GMDS: variants seen among roughly 807,000 people sequenced by gnomAD.
GMDS encodes the protein GDP-mannose 4,6-dehydratase.
In GMDS, 20 loss-of-function variants were observed where a neutral mutation model predicts 49.9. That is an observed-to-expected ratio of 0.40 (90% CI 0.28 to 0.58). The LOEUF (loss-of-function observed/expected upper bound fraction) is 0.58. GMDS is among the 20% of genes least tolerant of loss of function. The pLI, the probability that GMDS is intolerant of heterozygous loss-of-function variation, is 0.42. For missense variants in GMDS, 362 were observed against 481.4 expected (o/e 0.75, Z 2.32); for synonymous variants, 177 against 178.6 (o/e 0.99, Z 0.07).
chr6:1,625,392 C>T (rs903632912), intron 9 of GMDS: 4 of 143,260 alleles, frequency 2.8e-5, no homozygotes, highest in African/African-American at 1.0e-4. Context: ...TGTACTTCCA[C>T]GAGCGGAGCT....
intron 4 of GMDS, among the ~76,000 whole-genome samples, chr6:2,036,757 TA>T (rs1769330875): frequency 6.6e-6 from 1 of 152,114 alleles, no homozygotes; most frequent in Non-Finnish European, 1.5e-5. Flanking sequence ...AAGTAAACCA[TA>T]AACAAGATAA....
At chr6:2,065,213 C>A (rs1474477538) in intron 4 of GMDS, among the ~76,000 whole-genome samples, 6 of 152,136 alleles carry the variant, frequency 3.9e-5, no homozygotes, top group Admixed American at 2.0e-4. Context: ...GCTGAGGGTC[C>A]TGTCTGTTAG....
At chr6:2,241,605 C>T (rs2127602350) in intron 1 of GMDS, among the ~76,000 whole-genome samples, 1 of 152,242 alleles carries the variant, frequency 6.6e-6, no homozygotes, top group South Asian at 2.1e-4. Context: ...TGACTCCTCA[C>T]TCTATTAGCT....
intron 7 of GMDS, among the ~76,000 whole-genome samples, chr6:1,881,022 T>C (rs904407636): frequency 3.9e-5 from 6 of 152,198 alleles, no homozygotes; most frequent in African/African-American, 1.4e-4. Context: ...TTAAAAATAA[T>C]AGACTGCACC....
chr6:2,160,964 A>G (rs1486884342), intron 1 of GMDS, among the ~76,000 whole-genome samples: 1 of 152,206 alleles, frequency 6.6e-6, no homozygotes, highest in African/African-American at 2.4e-5. Context: ...CATACCCTGA[A>G]GCTCTTTGAA....
In GMDS at chr6:2,108,662, A is replaced by T. The variant is rs1252559941; in HGVS notation, c.345+7109T>A. ...CCAAAACTTCATTTCACCGTAGTAA[A>T]CAGTGGGAATGACAAGAGGTCCGAT... On this transcript the variant is annotated intron_variant, in intron 4 of 10. Transcript: ENST00000380815. 4.6e-5 allele frequency among the ~76,000 whole-genome samples: 7 copies of T among 152,164 alleles called. No homozygotes were observed. The East Asian group carries it at 1.3e-3, about 29-fold the overall frequency.
intron 7 of GMDS, among the ~76,000 whole-genome samples, chr6:1,883,960 T>C (rs1346338500): frequency 6.6e-6 from 1 of 152,186 alleles, no homozygotes; most frequent in African/African-American, 2.4e-5. Context: ...TCCCAGTTCA[T>C]TTAGAATAGA....
intron 6 of GMDS, among the ~76,000 whole-genome samples, chr6:1,955,164 C>A (rs9378664): frequency 2.6e-5 from 4 of 151,816 alleles, no homozygotes; most frequent in African/African-American, 9.7e-5. Flanking sequence ...GCAATATCTA[C>A]GAAGCAATAA....
chr6:1,624,543 A>G lies in GMDS; in HGVS notation c.988-3T>C, dbSNP rs758145785. 4 of 1,609,512 alleles carry G rather than the reference A, an allele frequency of 2.5e-6. No homozygotes were observed. In the African/African-American group the frequency reaches 5.4e-5, roughly 22 times the overall value. ...GTGCAGTCGCCCTGCAGAAAGTCCT[A>G]GGGAAGAAGAGGGGGAGACGAAGCA... On this transcript the variant is annotated splice_region_variant and splice_polypyrimidine_tract_variant and intron_variant, in intron 9 of 10. Transcript: ENST00000380815.
intron 9 of GMDS, among the ~76,000 whole-genome samples, chr6:1,645,517 C>T (rs1763459973): frequency 6.6e-6 from 1 of 152,332 alleles, no homozygotes; most frequent in South Asian, 2.1e-4. Context: ...AGGTCCGGAG[C>T]CCTCGCCTGG....
intron 9 of GMDS, among the ~76,000 whole-genome samples, chr6:1,717,950 C>A (rs976072099): frequency 9.2e-5 from 14 of 152,170 alleles, no homozygotes; most frequent in Admixed American, 9.2e-4. Context: ...ATGAAGTAAT[C>A]ATCTGCCAAT....
chr6:2,142,651 T>C (rs1776358729), intron 1 of GMDS, among the ~76,000 whole-genome samples: 2 of 152,028 alleles, frequency 1.3e-5, no homozygotes, highest in Admixed American at 1.3e-4. Flanking sequence ...TATGAGACAA[T>C]AAGTTTCAGT....
intron 7 of GMDS, among the ~76,000 whole-genome samples, chr6:1,855,833 C>T (rs2113775453): frequency 6.6e-6 from 1 of 152,122 alleles, no homozygotes; most frequent in East Asian, 1.9e-4. Context: ...TTTTAGGCAC[C>T]ATACAGTCTA....
chr6:1,985,165 T>C (rs986935600), intron 4 of GMDS, among the ~76,000 whole-genome samples: 11 of 152,228 alleles, frequency 7.2e-5, no homozygotes, highest in African/African-American at 2.4e-4. Context: ...GACAAAGCTT[T>C]ACACAAGGGT....
intron 1 of GMDS, among the ~76,000 whole-genome samples, chr6:2,214,441 C>T (rs1780223384): frequency 6.6e-6 from 1 of 152,044 alleles, no homozygotes; most frequent in Non-Finnish European, 1.5e-5. Context: ...TCATTATTCC[C>T]TAAACAATAC....
chr6:2,222,041 T>C (rs1365610880), intron 1 of GMDS, among the ~76,000 whole-genome samples: 1 of 152,168 alleles, frequency 6.6e-6, no homozygotes, highest in African/African-American at 2.4e-5. Context: ...TTCTCCAAAA[T>C]AATGAAAAGC....
chr6:1,707,769 G>A (rs745528983), intron 9 of GMDS, among the ~76,000 whole-genome samples: 13 of 152,222 alleles, frequency 8.5e-5, no homozygotes, highest in South Asian at 2.1e-4. Context: ...AGATTTGGAC[G>A]TTGGAAAGTG....
intron 4 of GMDS, among the ~76,000 whole-genome samples, chr6:2,013,925 C>CATATATATATATATATATATAT (rs10523956): frequency 1.8e-3 from 223 of 124,870 alleles, no homozygotes; most frequent in African/African-American, 2.6e-3. Flanking sequence ...GGATAAAAAC[C>CATATATATATATATATATATAT]ATATATATAT....
At chr6:1,637,320 G>A (rs970727743) in intron 9 of GMDS, among the ~76,000 whole-genome samples, 8 of 152,348 alleles carry the variant, frequency 5.3e-5, no homozygotes, top group African/African-American at 1.9e-4. Context: ...TGTGCTTCCC[G>A]GCCGGCCCCG....
Sources: gnomAD v4.1 joint callset for allele counts (sites outside exome capture counted in the v4.1 genomes callset) on GRCh38, gnomAD v4.1.1 for gene constraint, MANE v1.5 for transcripts, NCBI Gene and HGNC (gene_info 2026-07-23, HGNC 2026-07-21) for gene names.